NEDD4L: variants seen among roughly 807,000 people sequenced by gnomAD.
The protein encoded by NEDD4L is NEDD4 like E3 ubiquitin protein ligase.
A neutral mutation model predicts 148.9 loss-of-function variants in NEDD4L; 54 were observed. The ratio of observed to expected loss-of-function variants is 0.36; its 90% CI spans 0.29 to 0.45. NEDD4L has a LOEUF of 0.45. Ranked by LOEUF, NEDD4L falls within the 20% of genes least tolerant of loss-of-function variation. The pLI is 1.00. For missense variants in NEDD4L, 856 were observed against 1,233.8 expected (o/e 0.69, Z 4.59); for synonymous variants, 433 against 440.7 (o/e 0.98, Z 0.22).
Position 58,323,262 on chromosome 18 carries a change from A to T in NEDD4L, c.441A>T (p.Arg147=). Residue 147 remains arginine (R), a synonymous_variant, in exon 8 of 31, where the codon CGA becomes CGT. Coordinates refer to ENST00000400345, the MANE Select transcript of NEDD4L (RefSeq NM_001144967.3). ...AGTCTCGAGTTAAGGGATTTTTGCG[A>T]TTGAAAATGGCCTATATGCCAAAAA... The part of the protein sequence containing the change: ...SHKSRVKGFL[R]LKMAYMPKNG... The T allele has an allele frequency of 6.2e-7, 1 of 1,605,224 alleles. No individual in the cohort carries two copies. Among genetic ancestry groups the T allele is most frequent in the Non-Finnish European group, 8.5e-7 (1 of 1,175,376 alleles).
chr18:58,358,201 A>G (rs1246565669), intron 19 of NEDD4L, among the ~76,000 whole-genome samples: 1 of 152,188 alleles, frequency 6.6e-6, no homozygotes, highest in Non-Finnish European at 1.5e-5. Flanking sequence ...AACTTAAAAG[A>G]TACTACATTG....
intron 1 of NEDD4L, among the ~76,000 whole-genome samples, chr18:58,064,943 T>C (rs1454634609): frequency 6.6e-6 from 1 of 152,282 alleles, no homozygotes; most frequent in South Asian, 2.1e-4. Context: ...TCTTAAAAAA[T>C]GGAAGTGATA....
intron 1 of NEDD4L, among the ~76,000 whole-genome samples, chr18:58,126,046 C>T (rs2031025798): frequency 6.6e-6 from 1 of 152,340 alleles, no homozygotes; most frequent in South Asian, 2.1e-4. Context: ...TGCATCCTCA[C>T]GGGGCTGACT....
chr18:58,231,729 A>AT (rs1307591022), intron 2 of NEDD4L, among the ~76,000 whole-genome samples: 3 of 151,970 alleles, frequency 2.0e-5, no homozygotes, highest in African/African-American at 7.3e-5. Flanking sequence ...TGCCCGGCTA[A>AT]TTTTTTGTAT....
At chr18:58,381,981 C>T (rs1265664670) in intron 24 of NEDD4L, among the ~76,000 whole-genome samples, 1 of 152,106 alleles carries the variant, frequency 6.6e-6, no homozygotes, top group Non-Finnish European at 1.5e-5. Context: ...TCAGCAAAAC[C>T]GGAAACGCAG....
intron 27 of NEDD4L, 43 bp downstream of exon 27, chr18:58,387,541 A>C: frequency 6.8e-7 from 1 of 1,469,620 alleles, no homozygotes; most frequent in Non-Finnish European, 9.1e-7. Context: ...GGATTTTTTA[A>C]AGTATCTCTC....
At position 58,366,721 on chromosome 18, in the gene NEDD4L, G is replaced by A. The variant is rs931897038; in HGVS notation, c.2063+493G>A. The A allele has an allele frequency of 6.6e-6, 1 of 152,594 alleles. No homozygotes were observed. The highest frequency in any genetic ancestry group is 1.5e-5 in the Non-Finnish European group (1 of 68,348). 9.5% of individuals were successfully genotyped at this position (152,594 alleles called of 1,614,324 possible). ...TTCATCATTGCCAGGCTTGGAAACT[G>A]AGGCAGACTAAATTGCTTTCTGAGC... On this transcript the variant is annotated intron_variant, in intron 21 of 30. Coordinates refer to ENST00000400345, the MANE Select transcript of NEDD4L (RefSeq NM_001144967.3). The surrounding 1 kb of genome is among the most constrained non-coding windows in gnomAD (Gnocchi z 4.2).
intron 1 of NEDD4L, among the ~76,000 whole-genome samples, chr18:58,161,800 A>G (rs1179743889): frequency 2.0e-5 from 3 of 152,078 alleles, no homozygotes; most frequent in Admixed American, 2.0e-4. Context: ...TCACGGAGAG[A>G]CATGGATGAG....
At chr18:58,344,204 A>ACAAGCCGTGCT (rs1223553321) in intron 16 of NEDD4L, among the ~76,000 whole-genome samples, 3 of 152,206 alleles carry the variant, frequency 2.0e-5, no homozygotes, top group Non-Finnish European at 4.4e-5. Flanking sequence ...ATATTCAAGA[A>ACAAGCCGTGCT]CAAGCCCTGC....
At chr18:58,283,478 G>A (rs2053474394) in intron 5 of NEDD4L, among the ~76,000 whole-genome samples, 1 of 152,156 alleles carries the variant, frequency 6.6e-6, no homozygotes, top group African/African-American at 2.4e-5. Context: ...ATTTCAGATT[G>A]GGAAGTACAT....
At chr18:58,173,237 G>C (rs76550518) in intron 2 of NEDD4L, among the ~76,000 whole-genome samples, 1,697 of 152,226 alleles carry the variant, frequency 0.011, 29 homozygotes, top group African/African-American at 0.039. Flanking sequence ...ATTATGATCA[G>C]TGGCTTCATT....
chr18:58,070,696 A>G (rs1257350578), intron 1 of NEDD4L, among the ~76,000 whole-genome samples: 3 of 151,996 alleles, frequency 2.0e-5, no homozygotes, highest in Non-Finnish European at 2.9e-5. Flanking sequence ...CCCAATACCC[A>G]CACCCACACG....
chr18:58,064,252 C>T (rs111707837), intron 1 of NEDD4L, among the ~76,000 whole-genome samples: 5,645 of 152,268 alleles, frequency 0.037, 253 homozygotes, highest in African/African-American at 0.11. Flanking sequence ...GCGTGAGCCA[C>T]CGCGCCTGAC....
intron 1 of NEDD4L, among the ~76,000 whole-genome samples, chr18:58,157,185 C>CAAAAAAAAAAAA (rs59302556): frequency 1.1e-5 from 1 of 89,306 alleles, no homozygotes; most frequent in Non-Finnish European, 2.5e-5. Context: ...GACCTTGTCT[C>CAAAAAAAAAAAA]AAAAAAAAAA....
In NEDD4L at chr18:58,349,622, C is replaced by T. The variant is rs772771827; in HGVS notation, c.1653+8C>T. The T allele has an allele frequency of 4.4e-6, 7 of 1,605,702 alleles. No individual in the cohort carries two copies. In the South Asian group the frequency reaches 6.6e-5, roughly 15 times the overall value. On this transcript the variant is annotated splice_region_variant and intron_variant, in intron 17 of 30. Transcript: ENST00000400345. ...GACCTTGGCCCCCTTCCTGTGAGTA[C>T]ACTGGAGACACATGGAATGGTCTGA...
At chr18:58,182,718 G>A (rs893497953) in intron 2 of NEDD4L, among the ~76,000 whole-genome samples, 1 of 152,074 alleles carries the variant, frequency 6.6e-6, no homozygotes, top group African/African-American at 2.4e-5. Context: ...CTGTCCTCAA[G>A]TGATCTACCC....
chr18:58,217,948 A>G (rs1467881005), intron 2 of NEDD4L, among the ~76,000 whole-genome samples: 1 of 152,210 alleles, frequency 6.6e-6, no homozygotes, highest in Non-Finnish European at 1.5e-5. Context: ...AAGGCTGCAG[A>G]GTATGGATAA....
In NEDD4L at chr18:58,255,397, GGTTC is replaced by G. The variant is rs2048392484; in HGVS notation, c.297+3344_297+3347del. ...TTGGAGGGGGAGAGCGCGGTCATGTGGTTCTGGCCACCCTACCCTCTGTCACAGT... is the reference window on the plus strand; with the variant it reads ...TTGGAGGGGGAGAGCGCGGTCATGTGTGGCCACCCTACCCTCTGTCACAGT... On this transcript the variant is annotated intron_variant, in intron 5 of 30. Transcript: ENST00000400345. The G allele has an allele frequency of 5.6e-6, 4 of 715,052 alleles. No individual in the cohort carries two copies. The East Asian group carries it at 1.5e-4, about 27-fold the overall frequency. The allele number at this position is 715,052 out of a possible 1,614,324, so 44.3% of individuals were successfully genotyped here.
At chr18:58,056,467 G>A (rs914236759) in intron 1 of NEDD4L, among the ~76,000 whole-genome samples, 2 of 152,216 alleles carry the variant, frequency 1.3e-5, no homozygotes, top group African/African-American at 2.4e-5. Flanking sequence ...GCCAGCTCAG[G>A]GATGTCTTCA....
Sources: allele counts gnomAD v4.1 joint callset (sites outside exome capture counted in the v4.1 genomes callset), GRCh38; gene constraint gnomAD v4.1.1; non-coding constraint Gnocchi (gnomAD v3.1); transcripts MANE v1.5; gene names NCBI Gene and HGNC (gene_info 2026-07-23, HGNC 2026-07-21).